The following MAGI2 variants were observed in gnomAD, a reference collection of about 807,000 sequenced individuals.
MAGI2 encodes the protein membrane-associated guanylate kinase, WW and PDZ domain-containing protein 2.
In MAGI2, 35 loss-of-function variants were observed where a neutral mutation model predicts 133.3. That is an observed-to-expected ratio of 0.26 (90% CI 0.20 to 0.35). The LOEUF is 0.35. Ranked by LOEUF, MAGI2 falls within the 10% of genes least tolerant of loss-of-function variation. MAGI2 has a pLI of 1.00. For synonymous variants in MAGI2, 729 were observed against 710.6 expected (o/e 1.03, Z -0.41); for missense variants, 1,636 against 1,863.4 (o/e 0.88, Z 2.25).
chr7:78,420,154 C>T (rs1465742105), intron 6 of MAGI2, among the ~76,000 whole-genome samples: 1 of 152,124 alleles, frequency 6.6e-6, no homozygotes, highest in Non-Finnish European at 1.5e-5. Context: ...AAAGCCTGCT[C>T]ATCATTTGCC....
chr7:78,934,400 G>A (rs1302977220), intron 2 of MAGI2, among the ~76,000 whole-genome samples: 6 of 152,150 alleles, frequency 3.9e-5, no homozygotes, highest in East Asian at 1.9e-4. Flanking sequence ...TACCGTGCCC[G>A]GCCAGAACAC....
At chr7:78,394,492 G>A (rs1331647763) in intron 6 of MAGI2, among the ~76,000 whole-genome samples, 10 of 152,124 alleles carry the variant, frequency 6.6e-5, no homozygotes, top group Non-Finnish European at 7.4e-5. Flanking sequence ...TTTGACTCCT[G>A]GCTTTTACAC....
At chr7:79,059,805 A>C (rs955894108) in intron 1 of MAGI2, among the ~76,000 whole-genome samples, 5 of 152,162 alleles carry the variant, frequency 3.3e-5, no homozygotes, top group African/African-American at 1.2e-4. Flanking sequence ...CACTGATCCT[A>C]GTATAAAGAA....
At chr7:78,941,500 T>G (rs896401172) in intron 2 of MAGI2, among the ~76,000 whole-genome samples, 7 of 152,068 alleles carry the variant, frequency 4.6e-5, no homozygotes, top group African/African-American at 1.7e-4. Flanking sequence ...CAGGCCTGAC[T>G]AATTTTTGTA....
intron 1 of MAGI2, among the ~76,000 whole-genome samples, chr7:79,254,219 T>G (rs2364900): frequency 0.02 from 3,054 of 152,292 alleles, 96 homozygotes; most frequent in African/African-American, 0.07. Flanking sequence ...TTCTCTTGGG[T>G]TGTTCAACTT....
chr7:78,856,844 G>C (rs1002185540), intron 2 of MAGI2, among the ~76,000 whole-genome samples: 1 of 152,194 alleles, frequency 6.6e-6, no homozygotes, highest in Admixed American at 6.5e-5. Flanking sequence ...ACCACGGGCA[G>C]TGTGGCCATT....
chr7:78,547,430 A>G (rs1798939324), intron 3 of MAGI2, among the ~76,000 whole-genome samples: 1 of 152,254 alleles, frequency 6.6e-6, no homozygotes, highest in East Asian at 1.9e-4. Flanking sequence ...CGCACCTCAT[A>G]GTTTATTGCG....
intron 2 of MAGI2, among the ~76,000 whole-genome samples, chr7:78,861,928 A>C (rs192147297): frequency 6.6e-6 from 1 of 152,324 alleles, no homozygotes; most frequent in African/African-American, 2.4e-5. Flanking sequence ...AACAATCAAC[A>C]GAAGTGTGGA....
chr7:79,025,183 G>A (rs1809757009), intron 1 of MAGI2, among the ~76,000 whole-genome samples: 2 of 149,826 alleles, frequency 1.3e-5, no homozygotes, highest in Non-Finnish European at 1.5e-5. Flanking sequence ...ATAAAAAAAT[G>A]AGATCATATC....
At chr7:78,942,198 T>C (rs1801042005) in intron 2 of MAGI2, among the ~76,000 whole-genome samples, 1 of 152,192 alleles carries the variant, frequency 6.6e-6, no homozygotes, top group South Asian at 2.1e-4. Context: ...GGCAAGATGA[T>C]ATACCAAATT....
At chr7:78,419,388 A>G (rs1798588077) in intron 6 of MAGI2, among the ~76,000 whole-genome samples, 1 of 98,724 alleles carries the variant, frequency 1.0e-5, no homozygotes, top group Non-Finnish European at 2.1e-5. Flanking sequence ...ATTAGTTAAT[A>G]TGCACCGAGC....
rs1801916951 is a variant in MAGI2 at position 78,573,368 on chromosome 7, ATATATATATATATATATAT to A, written c.539-51742_539-51724del. 4.6e-4 allele frequency among the ~76,000 whole-genome samples: 4 copies of A among 8,676 alleles called. 1 individual carries two copies. Among genetic ancestry groups the A allele is most frequent in the Middle Eastern group, 0.12 (2 of 16 alleles). 5.7% of individuals were successfully genotyped at this position (8,676 alleles called of 152,430 possible). Reference sequence around the variant, plus strand: ...TATAGAGAGAGAGAATCCTGGAAATATATATATATATATATATATATATATATATATATATAGGCTGCCA... The same window carrying A: ...TATAGAGAGAGAGAATCCTGGAAATAATATATATATATATATAGGCTGCCA... On this transcript the variant is annotated intron_variant, in intron 3 of 21. Coordinates refer to ENST00000354212, the MANE Select transcript of MAGI2 (RefSeq NM_012301.4).
chr7:79,350,317 C>T (rs953415546), intron 1 of MAGI2, among the ~76,000 whole-genome samples: 3 of 152,082 alleles, frequency 2.0e-5, no homozygotes, highest in African/African-American at 4.8e-5. Context: ...AATGATACAA[C>T]AGTTTTTAGA....
intron 2 of MAGI2, among the ~76,000 whole-genome samples, chr7:78,871,311 A>G (rs1795013343): frequency 6.6e-6 from 1 of 151,588 alleles, no homozygotes; most frequent in African/African-American, 2.4e-5. Context: ...CTCCATCTCA[A>G]AATAATAATA....
chr7:79,361,606 A>T (rs988772639), intron 1 of MAGI2, among the ~76,000 whole-genome samples: 4 of 152,202 alleles, frequency 2.6e-5, no homozygotes, highest in Non-Finnish European at 5.9e-5. Flanking sequence ...GTGGAAAGAG[A>T]GAATACTCTA....
intron 1 of MAGI2, among the ~76,000 whole-genome samples, chr7:79,324,278 A>G (rs959268402): frequency 1.3e-5 from 2 of 151,252 alleles, no homozygotes. Context: ...AGCACTATGT[A>G]AGGTCTGTGC....
intron 9 of MAGI2, among the ~76,000 whole-genome samples, chr7:78,274,665 C>A (rs1356706880): frequency 6.6e-6 from 1 of 151,982 alleles, no homozygotes; most frequent in African/African-American, 2.4e-5. Flanking sequence ...GAGAGGAAGT[C>A]TGGCTGCAGA....
intron 2 of MAGI2, among the ~76,000 whole-genome samples, chr7:78,834,876 C>T (rs1379622779): frequency 6.6e-6 from 1 of 152,072 alleles, no homozygotes; most frequent in African/African-American, 2.4e-5. Context: ...CACCTCCCCT[C>T]CCCTTGCTCC....
chr7:79,112,112 G>A (rs975580365), intron 1 of MAGI2, among the ~76,000 whole-genome samples: 6 of 151,696 alleles, frequency 4.0e-5, no homozygotes, highest in Middle Eastern at 6.8e-3. Context: ...ATTACAGATT[G>A]TAGTAACTAT....
Sources: gnomAD v4.1 joint callset for allele counts (sites outside exome capture counted in the v4.1 genomes callset) on GRCh38, gnomAD v4.1.1 for gene constraint, MANE v1.5 for transcripts, NCBI Gene and HGNC (gene_info 2026-07-23, HGNC 2026-07-21) for gene names.